The following TRIM44 variants were observed in gnomAD, a reference collection of about 807,000 sequenced individuals.
The protein encoded by TRIM44 is tripartite motif containing 44, also known as tripartite motif-containing protein 44.
TRIM44 carries 13 observed loss-of-function variants against 37.4 expected under a neutral mutation model. The observed-to-expected ratio is 0.35, with a 90% confidence interval of 0.23 to 0.55. The LOEUF (loss-of-function observed/expected upper bound fraction) is 0.55. TRIM44 is among the 20% of genes least tolerant of loss of function. TRIM44 has a pLI of 0.89. For synonymous variants in TRIM44, 175 were observed against 157.2 expected (o/e 1.11, Z -0.85); for missense variants, 426 against 437.2 (o/e 0.97, Z 0.23).
intron 4 of TRIM44, among the ~76,000 whole-genome samples, chr11:35,756,113 A>G (rs373573428): frequency 2.6e-4 from 39 of 151,212 alleles, no homozygotes; most frequent in African/African-American, 8.7e-4. Context: ...CCATTTTCAC[A>G]ATATTGATTC....
At chr11:35,721,461 A>G (rs979027973) in intron 2 of TRIM44, among the ~76,000 whole-genome samples, 1 of 152,214 alleles carries the variant, frequency 6.6e-6, no homozygotes, top group Non-Finnish European at 1.5e-5. Context: ...AAATACCATT[A>G]TATTATTTCA....
At chr11:35,791,807 T>G (rs1453563570) in intron 4 of TRIM44, among the ~76,000 whole-genome samples, 2 of 152,170 alleles carry the variant, frequency 1.3e-5, no homozygotes, top group Non-Finnish European at 2.9e-5. Context: ...ATAGCTACAT[T>G]CTTTGCTATA....
At chr11:35,676,130 T>A (rs1381888758) in intron 1 of TRIM44, among the ~76,000 whole-genome samples, 1 of 152,216 alleles carries the variant, frequency 6.6e-6, no homozygotes, top group African/African-American at 2.4e-5. Flanking sequence ...AGTCTTGGTT[T>A]CTTCTTCTGT....
chr11:35,780,555 A>G (rs542636683), intron 4 of TRIM44, among the ~76,000 whole-genome samples: 2 of 152,340 alleles, frequency 1.3e-5, no homozygotes, highest in East Asian at 3.9e-4. Context: ...GTATGCTATC[A>G]CGGTCTCATT....
chr11:35,684,622 A>G (rs1481560562), intron 1 of TRIM44, among the ~76,000 whole-genome samples: 2 of 152,206 alleles, frequency 1.3e-5, no homozygotes, highest in African/African-American at 4.8e-5. Flanking sequence ...TTAATCAACT[A>G]GTTAATGGCA....
intron 4 of TRIM44, among the ~76,000 whole-genome samples, chr11:35,760,692 T>C (rs1288106142): frequency 2.0e-5 from 3 of 152,230 alleles, no homozygotes; most frequent in African/African-American, 4.8e-5. Flanking sequence ...TAAAATTGTG[T>C]ATTTATATAG....
rs982424555 is a variant in TRIM44 at position 35,807,278 on chromosome 11, C to G, written c.*893C>G. The G allele has an allele frequency of 2.0e-5, 3 of 152,148 alleles. No individual in the cohort carries two copies. In the South Asian group the frequency reaches 6.2e-4, roughly 32 times the overall value. 9.4% of individuals were successfully genotyped at this position (152,148 alleles called of 1,614,324 possible). A position where few individuals can be genotyped will look rare whatever the true frequency, so the allele number is the denominator to read the frequency against. ...TTCCATTGTAGGTTTTTGCTAGTCC[C>G]ACCCCCATTTTAGCCTAATTTGGCT... On this transcript the variant is annotated 3_prime_UTR_variant, in exon 5 of 5. Transcript: ENST00000299413.
chr11:35,762,258 C>T (rs543011875), intron 4 of TRIM44, among the ~76,000 whole-genome samples: 1 of 152,126 alleles, frequency 6.6e-6, no homozygotes, highest in Non-Finnish European at 1.5e-5. Context: ...TTTTTTAAAA[C>T]AATCTTTCTA....
intron 3 of TRIM44, among the ~76,000 whole-genome samples, chr11:35,734,403 A>T (rs1184403567): frequency 1.3e-5 from 2 of 152,230 alleles, no homozygotes; most frequent in African/African-American, 4.8e-5. Flanking sequence ...AAATAACATG[A>T]GTAAGCTATT....
rs1412082639 is a variant in TRIM44, at chr11:35,726,304, C to T, written c.987+141C>T. On this transcript the variant is annotated intron_variant, in intron 3 of 4. Coordinates refer to ENST00000299413, the MANE Select transcript of TRIM44 (RefSeq NM_017583.6). ...TAAGTGTTTCACATGGTGTATAAAC[C>T]AGTATGGAAGTATTGGCCACTAGTT... 2.6e-6 allele frequency: 3 copies of T among 1,141,912 alleles called. No homozygotes were observed. The African/African-American group carries it at 4.7e-5, about 18-fold the overall frequency. The allele number at this position is 1,141,912 out of a possible 1,614,324, so 70.7% of individuals were successfully genotyped here.
At chr11:35,760,572 G>A (rs947977493) in intron 4 of TRIM44, among the ~76,000 whole-genome samples, 3 of 152,152 alleles carry the variant, frequency 2.0e-5, no homozygotes, top group South Asian at 2.1e-4. Flanking sequence ...GAAATCACTC[G>A]TCTTCTGCGT....
In TRIM44 at chr11:35,809,975, A is replaced by G. The variant is rs960235025; in HGVS notation, c.*3590A>G. 6.6e-6 allele frequency: 1 copy of G among 152,154 alleles called. No homozygotes were observed. Among genetic ancestry groups the G allele is most frequent in the African/African-American group, 2.4e-5 (1 of 41,440 alleles). 9.4% of individuals were successfully genotyped at this position (152,154 alleles called of 1,614,324 possible). ...TACTTCAAAGATTTCTGTCAGCCCT[A>G]ATTACAAGTGTCACCATATAGTTGG... On this transcript the variant is annotated 3_prime_UTR_variant, in exon 5 of 5. Coordinates refer to ENST00000299413, the MANE Select transcript of TRIM44 (RefSeq NM_017583.6).
intron 4 of TRIM44, among the ~76,000 whole-genome samples, chr11:35,743,517 C>G (rs1374995589): frequency 6.6e-6 from 1 of 152,126 alleles, no homozygotes; most frequent in Non-Finnish European, 1.5e-5. Context: ...TAAAGTATTC[C>G]CCTTTTGGGG....
At chr11:35,691,040 C>T (rs145530867) in intron 2 of TRIM44, among the ~76,000 whole-genome samples, 29 of 152,296 alleles carry the variant, frequency 1.9e-4, no homozygotes, top group African/African-American at 6.7e-4. Context: ...TACTGGGATC[C>T]TGTGCCATAG....
chr11:35,813,758 T>G lies in TRIM44; in HGVS notation c.*7373T>G, dbSNP rs539569744. 6.6e-6 allele frequency: 1 copy of G among 152,146 alleles called. No homozygotes were observed. The highest frequency in any genetic ancestry group is 1.5e-5 in the Non-Finnish European group (1 of 68,006). The allele number at this position is 152,146 out of a possible 1,614,324, so 9.4% of individuals were successfully genotyped here. On this transcript the variant is annotated 3_prime_UTR_variant, in exon 5 of 5. Transcript: ENST00000299413. ...ATGTATATCAAACATTTTAGAAATATTTACATCCCAATGGTTAAAAAAAAA... is the reference window on the plus strand; with the variant it reads ...ATGTATATCAAACATTTTAGAAATAGTTACATCCCAATGGTTAAAAAAAAA...
chr11:35,772,673 G>A (rs527422187), intron 4 of TRIM44, among the ~76,000 whole-genome samples: 28 of 152,256 alleles, frequency 1.8e-4, no homozygotes, highest in African/African-American at 6.3e-4. Context: ...TGGAATGGCT[G>A]TATTTACCCA....
chr11:35,731,312 T>C (rs1852256340), intron 3 of TRIM44, among the ~76,000 whole-genome samples: 1 of 152,212 alleles, frequency 6.6e-6, no homozygotes, highest in South Asian at 2.1e-4. Context: ...TTTTGTGAGA[T>C]ATATCTTCTG....
rs541754806 is a variant in TRIM44, at chr11:35,735,369, G to A, written c.988-57G>A. 30 of 1,592,744 alleles carry A rather than the reference G, an allele frequency of 1.9e-5. No homozygotes were observed. The South Asian group carries it at 3.3e-4, about 18-fold the overall frequency. On this transcript the variant is annotated intron_variant, in intron 3 of 4. Transcript: ENST00000299413. ...GAGGGGAGGGAAAAGAAAGAAATCT[G>A]ACTCTGTCTGTACCAACAGTGATTT...
intron 2 of TRIM44, among the ~76,000 whole-genome samples, chr11:35,713,033 G>A (rs999450975): frequency 2.6e-5 from 4 of 151,926 alleles, no homozygotes; most frequent in East Asian, 3.9e-4. Flanking sequence ...TGCAACTCTC[G>A]GTCTACCTCA....
Sources: gnomAD v4.1 joint callset for allele counts (sites outside exome capture counted in the v4.1 genomes callset) on GRCh38, gnomAD v4.1.1 for gene constraint, MANE v1.5 for transcripts, NCBI Gene and HGNC (gene_info 2026-07-23, HGNC 2026-07-21) for gene names.